TCF12: variants seen among roughly 807,000 people sequenced by gnomAD.
The protein encoded by TCF12 is transcription factor 12, also known as DNA-binding protein HTF4.
In TCF12, 45 loss-of-function variants were observed where a neutral mutation model predicts 86.0. The ratio of observed to expected loss-of-function variants is 0.52; its 90% confidence interval spans 0.41 to 0.67. The LOEUF (loss-of-function observed/expected upper bound fraction) is 0.67, where lower values mean the gene tolerates loss of function less well. Ranked by LOEUF, TCF12 falls within the 30% of genes least tolerant of loss-of-function variation. The pLI is 0.00. For missense variants in TCF12, 881 were observed against 859.9 expected (o/e 1.02, Z -0.31); for synonymous variants, 330 against 299.6 (o/e 1.10, Z -1.05).
At chr15:57,011,059 T>G (rs1335247559) in intron 3 of TCF12, among the ~76,000 whole-genome samples, 1 of 152,184 alleles carries the variant, frequency 6.6e-6, no homozygotes, top group Non-Finnish European at 1.5e-5. Context: ...CAATCTAGAC[T>G]CTGTATAAAA....
At chr15:57,075,898 C>T (rs771353234) in intron 4 of TCF12, among the ~76,000 whole-genome samples, 26 of 141,926 alleles carry the variant, frequency 1.8e-4, no homozygotes, top group Non-Finnish European at 3.4e-4. Flanking sequence ...GGGTCTTGCT[C>T]TGTTGCCCAG....
intron 3 of TCF12, among the ~76,000 whole-genome samples, chr15:56,955,322 G>C (rs1595842393): frequency 6.6e-6 from 1 of 151,918 alleles, no homozygotes; most frequent in Admixed American, 6.6e-5. Flanking sequence ...AACACCGCAT[G>C]TTCTCACTCA....
At chr15:57,133,560 G>A (rs868597404) in intron 5 of TCF12, among the ~76,000 whole-genome samples, 16 of 151,594 alleles carry the variant, frequency 1.1e-4, no homozygotes, top group African/African-American at 3.4e-4. Flanking sequence ...TTGCACCTGC[G>A]CCCCACCGAG....
At chr15:56,996,135 C>G (rs56235870) in intron 3 of TCF12, among the ~76,000 whole-genome samples, 7,207 of 152,154 alleles carry the variant, frequency 0.047, 347 homozygotes, top group African/African-American at 0.13. Flanking sequence ...GGAATAAAGC[C>G]TACTTGATCA....
intron 3 of TCF12, among the ~76,000 whole-genome samples, chr15:56,939,242 A>G (rs907532514): frequency 4.6e-5 from 7 of 152,208 alleles, no homozygotes; most frequent in African/African-American, 1.7e-4. Context: ...TACATTACAA[A>G]TGTAGCATTC....
chr15:56,966,670 A>G (rs2062019388), intron 3 of TCF12, among the ~76,000 whole-genome samples: 1 of 152,228 alleles, frequency 6.6e-6, no homozygotes, highest in African/African-American at 2.4e-5. Flanking sequence ...CTTTGATACT[A>G]AAAACACTTT....
intron 5 of TCF12, among the ~76,000 whole-genome samples, chr15:57,123,996 TCC>T (rs1226161252): frequency 7.9e-6 from 1 of 126,288 alleles, no homozygotes; most frequent in Non-Finnish European, 1.7e-5. Context: ...TTTTTTTTTT[TCC>T]ATAGGGACAC....
In TCF12 at chr15:57,289,755, A is replaced by G. The variant is rs2062043809; in HGVS notation, c.*3610A>G. On this transcript the variant is annotated 3_prime_UTR_variant, in exon 21 of 21. Transcript: ENST00000333725. Reference sequence around the variant, plus strand: ...GAGATAACATTAGAATTGTGTAAGTATTGAATGAAACAATGTATGGAAAGC... The same window carrying G: ...GAGATAACATTAGAATTGTGTAAGTGTTGAATGAAACAATGTATGGAAAGC... 2 of 152,316 alleles carry G rather than the reference A, an allele frequency of 1.3e-5. No homozygotes were observed. The highest frequency in any genetic ancestry group is 2.9e-5 in the Non-Finnish European group (2 of 68,020). The allele number at this position is 152,316 out of a possible 1,614,324, so 9.4% of individuals were successfully genotyped here. A position where few individuals can be genotyped will look rare whatever the true frequency, so the allele number is the denominator to read the frequency against.
intron 3 of TCF12, among the ~76,000 whole-genome samples, chr15:57,007,696 C>A (rs1352542170): frequency 1.3e-5 from 2 of 151,854 alleles, no homozygotes; most frequent in South Asian, 4.2e-4. Flanking sequence ...TCTGAGATGC[C>A]GACAGATTGA....
chr15:57,213,818 G>T (rs555289275), intron 8 of TCF12, among the ~76,000 whole-genome samples: 3 of 152,276 alleles, frequency 2.0e-5, no homozygotes, highest in Non-Finnish European at 4.4e-5. Flanking sequence ...AGCTTTGTTT[G>T]CCTACAGTTT....
At position 57,104,060 on chromosome 15, in the gene TCF12, T is replaced by A. The variant is rs144671198; in HGVS notation, c.325+12169T>A. Among the ~76,000 whole-genome samples the A allele has an allele frequency of 1.6e-4, 24 of 152,276 alleles. 1 individual carries two copies. In the East Asian group the frequency reaches 4.4e-3, roughly 28 times the overall value. ...AAAATAGTATTTTGTGATAGGATTT[T>A]CTACAGTATTTCATAGTGGAAAGGC... On this transcript the variant is annotated intron_variant, in intron 5 of 20. Transcript: ENST00000333725.
chr15:57,040,038 C>G (rs2066790480), intron 3 of TCF12, among the ~76,000 whole-genome samples: 2 of 152,188 alleles, frequency 1.3e-5, no homozygotes, highest in East Asian at 1.9e-4. Context: ...TTTTATCTCA[C>G]TTTCTTTCCT....
intron 3 of TCF12, among the ~76,000 whole-genome samples, chr15:56,987,840 T>C (rs897776222): frequency 4.6e-5 from 7 of 152,172 alleles, no homozygotes; most frequent in Non-Finnish European, 1.0e-4. Flanking sequence ...GTAAAAGTTA[T>C]GTGCATTTTC....
chr15:57,211,686 G>T (rs2058105295), intron 8 of TCF12, among the ~76,000 whole-genome samples: 1 of 152,200 alleles, frequency 6.6e-6, no homozygotes, highest in Non-Finnish European at 1.5e-5. Flanking sequence ...GGGCATGGTG[G>T]CCCATGCCTG....
intron 5 of TCF12, among the ~76,000 whole-genome samples, chr15:57,152,589 C>T (rs1472529692): frequency 6.6e-6 from 1 of 150,576 alleles, no homozygotes; most frequent in African/African-American, 2.4e-5. Context: ...CATCAGTAGA[C>T]AACCCAGTTG....
chr15:56,922,109 A>G (rs1244087574), intron 3 of TCF12, among the ~76,000 whole-genome samples: 2 of 151,940 alleles, frequency 1.3e-5, no homozygotes, highest in Non-Finnish European at 2.9e-5. Context: ...ACTGGTAATC[A>G]TTTGAAAATT....
At chr15:57,047,028 G>A (rs540568468) in intron 3 of TCF12, among the ~76,000 whole-genome samples, 119 of 152,200 alleles carry the variant, frequency 7.8e-4, no homozygotes, top group African/African-American at 2.8e-3. Context: ...TACGCCTTTC[G>A]TCTTTACAAG....
intron 5 of TCF12, among the ~76,000 whole-genome samples, chr15:57,095,488 T>G (rs2049263811): frequency 6.6e-6 from 1 of 152,222 alleles, no homozygotes; most frequent in Admixed American, 6.5e-5. Context: ...AAACTACTAT[T>G]ATCTTTTTAA....
At chr15:57,138,004 G>A (rs2052677691) in intron 5 of TCF12, among the ~76,000 whole-genome samples, 1 of 151,926 alleles carries the variant, frequency 6.6e-6, no homozygotes, top group Non-Finnish European at 1.5e-5. Flanking sequence ...ACTCCAGCCT[G>A]GCTGACAGAG....
Sources: gnomAD v4.1 joint callset for allele counts (sites outside exome capture counted in the v4.1 genomes callset) on GRCh38, gnomAD v4.1.1 for gene constraint, MANE v1.5 for transcripts, NCBI Gene and HGNC (gene_info 2026-07-23, HGNC 2026-07-21) for gene names.